The following DROSHA variants were observed in gnomAD, a reference collection of about 807,000 sequenced individuals.
DROSHA encodes ribonuclease 3.
Under a neutral mutation model 181.9 loss-of-function variants are expected in DROSHA, and 56 were observed. That is an observed-to-expected ratio of 0.31 (90% CI 0.25 to 0.38). The LOEUF is 0.38. Ranked by LOEUF, DROSHA falls within the 10% of genes least tolerant of loss-of-function variation. The pLI, the probability that DROSHA is intolerant of heterozygous loss-of-function variation, is 1.00. For synonymous variants in DROSHA, 524 were observed against 591.2 expected (o/e 0.89, Z 1.65); for missense variants, 1,218 against 1,743.5 (o/e 0.70, Z 5.37).
intron 23 of DROSHA, among the ~76,000 whole-genome samples, chr5:31,447,768 T>C (rs1353242909): frequency 6.6e-6 from 1 of 152,132 alleles, no homozygotes; most frequent in African/African-American, 2.4e-5. Flanking sequence ...TCATGAGCCC[T>C]GAGGGAAAGG....
At chr5:31,441,113 T>C (rs1745541340) in intron 23 of DROSHA, among the ~76,000 whole-genome samples, 1 of 151,258 alleles carries the variant, frequency 6.6e-6, no homozygotes, top group Non-Finnish European at 1.5e-5. Flanking sequence ...AATCTCATAA[T>C]TTAGTTTAAA....
At chr5:31,530,538 T>C (rs767119210) in intron 3 of DROSHA, among the ~76,000 whole-genome samples, 11 of 148,614 alleles carry the variant, frequency 7.4e-5, no homozygotes, top group Non-Finnish European at 1.5e-4. Context: ...CCCGTTCTCC[T>C]CTCTAAAATC....
intron 4 of DROSHA, among the ~76,000 whole-genome samples, chr5:31,528,760 T>C (rs1740884865): frequency 6.6e-6 from 1 of 152,164 alleles, no homozygotes; most frequent in Admixed American, 6.5e-5. Flanking sequence ...ATAATTACAA[T>C]CCACCTTCTA....
At chr5:31,507,135 C>A (rs60575562) in intron 10 of DROSHA, among the ~76,000 whole-genome samples, 1 of 151,782 alleles carries the variant, frequency 6.6e-6, no homozygotes, top group Admixed American at 6.6e-5. Context: ...GGCAACATAG[C>A]GAGACCTCAT....
chr5:31,432,255 C>T (rs1391642739), intron 25 of DROSHA, among the ~76,000 whole-genome samples: 1 of 152,040 alleles, frequency 6.6e-6, no homozygotes, highest in East Asian at 1.9e-4. Context: ...CCTCACCCAC[C>T]CGAGTAGATG....
chr5:31,472,272 G>A, intron 16 of DROSHA, 40 bp from the exon 17 acceptor site: 2 of 1,539,464 alleles, frequency 1.3e-6, no homozygotes, highest in African/African-American at 2.8e-5. Flanking sequence ...GGAAAAATAA[G>A]GCTACTCAAC....
At position 31,439,958 on chromosome 5, in the gene DROSHA, T is replaced by G. The variant is rs534829481; in HGVS notation, c.2883-2660A>C. Reference sequence around the variant, plus strand: ...CTACAGGGGCTTTCTTAAATCTCTCTGACACCAACCCACATCTCCCCAAAT... The same window carrying G: ...CTACAGGGGCTTTCTTAAATCTCTCGGACACCAACCCACATCTCCCCAAAT... On this transcript the variant is annotated intron_variant, in intron 23 of 35. Coordinates refer to ENST00000344624, the MANE Select transcript of DROSHA (RefSeq NM_001382508.1). 1.8e-4 allele frequency among the ~76,000 whole-genome samples: 28 copies of G among 152,308 alleles called. 1 individual carries two copies. The highest frequency in any genetic ancestry group is 4.3e-4 in the African/African-American group (18 of 41,564).
intron 35 of DROSHA, among the ~76,000 whole-genome samples, chr5:31,404,048 G>C (rs537485867): frequency 6.6e-6 from 1 of 151,596 alleles, no homozygotes; most frequent in South Asian, 2.1e-4. Flanking sequence ...CTTCCAAGTA[G>C]CTAGCACTAT....
intron 27 of DROSHA, among the ~76,000 whole-genome samples, chr5:31,425,147 A>T (rs2149998003): frequency 6.6e-6 from 1 of 152,220 alleles, no homozygotes; most frequent in South Asian, 2.1e-4. Flanking sequence ...TTACTTCCCG[A>T]CCTTGATATT....
At chr5:31,499,699 C>A (rs1753367714) in intron 11 of DROSHA, among the ~76,000 whole-genome samples, 1 of 152,190 alleles carries the variant, frequency 6.6e-6, no homozygotes, top group East Asian at 1.9e-4. Flanking sequence ...CTGGTTAAAT[C>A]TCAGACTGCT....
At chr5:31,475,408 G>C (rs1454661763) in intron 16 of DROSHA, among the ~76,000 whole-genome samples, 1 of 152,140 alleles carries the variant, frequency 6.6e-6, no homozygotes, top group Non-Finnish European at 1.5e-5. Flanking sequence ...CTTTGCTAAG[G>C]AGCCCAGCAA....
chr5:31,503,732 C>T lies in DROSHA; in HGVS notation c.1668+823G>A, dbSNP rs372772284. The stretch of plus-strand genomic sequence containing the variant: ...CTCGTCAACATCTCAGAGCTCCCAA[C>T]CTGAGGCATGTGCACAAACGCTCAC... On this transcript the variant is annotated intron_variant, in intron 11 of 35. Coordinates refer to ENST00000344624, the MANE Select transcript of DROSHA (RefSeq NM_001382508.1). 2.0e-5 allele frequency among the ~76,000 whole-genome samples: 3 copies of T among 152,332 alleles called. No homozygotes were observed. In the South Asian group the frequency reaches 6.2e-4, roughly 32 times the overall value.
chr5:31,436,785 C>T (rs1175623140), intron 24 of DROSHA, among the ~76,000 whole-genome samples: 1 of 129,882 alleles, frequency 7.7e-6, no homozygotes, highest in African/African-American at 3.3e-5. Flanking sequence ...CACACACACA[C>T]ACACACACAC....
At chr5:31,485,640 A>AAG (rs1751640440) in intron 14 of DROSHA, among the ~76,000 whole-genome samples, 2 of 148,132 alleles carry the variant, frequency 1.4e-5, no homozygotes, top group East Asian at 2.0e-4. Flanking sequence ...GAAGTTAAAA[A>AAG]AAAAAAAAAA....
At chr5:31,483,465 A>G in intron 16 of DROSHA, 89 bp downstream of exon 16, 1 of 1,292,094 alleles carries the variant, frequency 7.7e-7, no homozygotes, top group South Asian at 1.3e-5. Context: ...CGAAGGTGGG[A>G]AAGTTGTCCC....
At chr5:31,425,544 T>C (rs148885822) in intron 27 of DROSHA, among the ~76,000 whole-genome samples, 397 of 152,266 alleles carry the variant, frequency 2.6e-3, no homozygotes, top group Non-Finnish European at 4.1e-3. Flanking sequence ...TTCGGGCCCT[T>C]GCCTGACCTA....
intron 23 of DROSHA, 106 bp downstream of exon 23, chr5:31,448,440 AT>A (rs1746565063): frequency 1.0e-6 from 1 of 1,001,730 alleles, no homozygotes; most frequent in African/African-American, 1.6e-5. Context: ...TGGATACACA[AT>A]TTTGTGAACA....
chr5:31,437,222 CAAA>C lies in DROSHA; in HGVS notation c.2942+14_2942+16del. 1 of 1,560,504 alleles carries C rather than the reference CAAA, an allele frequency of 6.4e-7. No homozygotes were observed. The highest frequency in any genetic ancestry group is 1.2e-5 in the South Asian group (1 of 84,310). ...GTAATTATTGAGGAATTGTAAAAAA[CAAA>C]AAAGCCTAATTACCTGGTCAGAAAT... On this transcript the variant is annotated intron_variant, in intron 24 of 35. Coordinates refer to ENST00000344624, the MANE Select transcript of DROSHA (RefSeq NM_001382508.1).
chr5:31,459,256 G>A (rs542402714), intron 20 of DROSHA, among the ~76,000 whole-genome samples: 1 of 152,086 alleles, frequency 6.6e-6, no homozygotes, highest in African/African-American at 2.4e-5. Flanking sequence ...CTAGCCAGAT[G>A]AGGTGACATG....
Sources: allele counts gnomAD v4.1 joint callset (sites outside exome capture counted in the v4.1 genomes callset), GRCh38; gene constraint gnomAD v4.1.1; transcripts MANE v1.5; gene names NCBI Gene and HGNC (gene_info 2026-07-23, HGNC 2026-07-21).